DYRK1A: variants seen among roughly 807,000 people sequenced by gnomAD.
DYRK1A encodes the protein dual specificity tyrosine phosphorylation regulated kinase 1A.
DYRK1A carries 9 observed loss-of-function variants against 79.7 expected under a neutral mutation model. The observed-to-expected ratio is 0.11, with a 90% CI of 0.07 to 0.20. The LOEUF is 0.20. DYRK1A is among the 10% of genes least tolerant of loss of function. The pLI, the probability that DYRK1A is intolerant of heterozygous loss-of-function variation, is 1.00. For synonymous variants in DYRK1A, 349 were observed against 329.7 expected (o/e 1.06, Z -0.63); for missense variants, 622 against 956.0 (o/e 0.65, Z 4.61).
In DYRK1A at chr21:37,520,396, A is replaced by G. The variant is rs2053926420; in HGVS notation, c.*7865A>G. The G allele has an allele frequency of 6.6e-6, 1 of 152,254 alleles. No homozygotes were observed. Among genetic ancestry groups the G allele is most frequent in the South Asian group, 2.1e-4 (1 of 4,832 alleles). 9.4% of individuals were successfully genotyped at this position (152,254 alleles called of 1,614,324 possible). ...AGGTTGTAACCCACATTTTGAAAGC[A>G]GTAAGGAAATAATTGCTGCTTTTTT... On this transcript the variant is annotated 3_prime_UTR_variant, in exon 12 of 12. Coordinates refer to ENST00000647188, the MANE Select transcript of DYRK1A (RefSeq NM_001347721.2).
intron 2 of DYRK1A, among the ~76,000 whole-genome samples, chr21:37,440,575 T>A (rs549566947): frequency 2.6e-5 from 4 of 152,260 alleles, no homozygotes; most frequent in African/African-American, 9.6e-5. Context: ...AATTTTGATA[T>A]ATTTTATTTT....
chr21:37,505,236 C>T (rs765495468), intron 9 of DYRK1A, 47 bp from the exon 10 acceptor site: 17 of 1,442,216 alleles, frequency 1.2e-5, no homozygotes, highest in South Asian at 1.0e-4. Flanking sequence ...TGAGTGTTTA[C>T]GTATTCCACC....
chr21:37,369,107 GTTATT>G (rs2049378606), intron 1 of DYRK1A, among the ~76,000 whole-genome samples: 1 of 152,144 alleles, frequency 6.6e-6, no homozygotes, highest in South Asian at 2.1e-4. Flanking sequence ...TTTGTGTAAA[GTTATT>G]TTTAGTTATT....
chr21:37,413,821 C>G (rs2050286390), intron 1 of DYRK1A, among the ~76,000 whole-genome samples: 1 of 152,056 alleles, frequency 6.6e-6, no homozygotes, highest in Non-Finnish European at 1.5e-5. Context: ...CATCCTTAAG[C>G]AAGCATATCA....
chr21:37,480,324 A>G (rs2052591546), intron 4 of DYRK1A, among the ~76,000 whole-genome samples: 1 of 152,182 alleles, frequency 6.6e-6, no homozygotes, highest in African/African-American at 2.4e-5. Context: ...CCTCATGTTG[A>G]ACTCTTAAGA....
intron 2 of DYRK1A, among the ~76,000 whole-genome samples, chr21:37,427,173 A>G (rs962504937): frequency 6.6e-6 from 1 of 152,204 alleles, no homozygotes; most frequent in East Asian, 1.9e-4. Context: ...GCCATGTGGC[A>G]TAAGCATGGC....
intron 1 of DYRK1A, among the ~76,000 whole-genome samples, chr21:37,379,332 T>C (rs2049610926): frequency 6.6e-6 from 1 of 152,184 alleles, no homozygotes; most frequent in Admixed American, 6.5e-5. Flanking sequence ...CTTAAAAATA[T>C]TCTTAATTAT....
chr21:37,394,499 C>T (rs906031677), intron 1 of DYRK1A, among the ~76,000 whole-genome samples: 3 of 152,062 alleles, frequency 2.0e-5, no homozygotes, highest in Admixed American at 6.5e-5. Context: ...GGCCGTGGAC[C>T]GGTACTGGTC....
chr21:37,494,317 A>G (rs539108123), intron 8 of DYRK1A, among the ~76,000 whole-genome samples: 1 of 151,952 alleles, frequency 6.6e-6, no homozygotes, highest in African/African-American at 2.4e-5. Context: ...AAACAATATT[A>G]AAAAAACTTT....
chr21:37,444,082 T>C (rs1216535430), intron 2 of DYRK1A, among the ~76,000 whole-genome samples: 1 of 152,192 alleles, frequency 6.6e-6, no homozygotes, highest in Non-Finnish European at 1.5e-5. Flanking sequence ...CCCCGTTCCT[T>C]TCTTCTGCTT....
At chr21:37,452,101 A>T (rs998411258) in intron 2 of DYRK1A, among the ~76,000 whole-genome samples, 1 of 150,968 alleles carries the variant, frequency 6.6e-6, no homozygotes, top group Non-Finnish European at 1.5e-5. Context: ...TAACCTGGGT[A>T]CTCTGGGTAT....
At chr21:37,430,476 C>A in intron 2 of DYRK1A, 1 of 929,412 alleles carries the variant, frequency 1.1e-6, no homozygotes. Flanking sequence ...TTACTTTCAC[C>A]TTTGTTCCAT....
At chr21:37,417,166 A>G (rs570658706) in intron 1 of DYRK1A, among the ~76,000 whole-genome samples, 65 of 152,172 alleles carry the variant, frequency 4.3e-4, no homozygotes, top group African/African-American at 1.5e-3. Flanking sequence ...CCAGTCTTAC[A>G]TTCTGGATCT....
upstream of DYRK1A, among the ~76,000 whole-genome samples, chr21:37,366,447 G>C (rs902527720): frequency 1.4e-5 from 2 of 147,714 alleles, no homozygotes; most frequent in African/African-American, 4.9e-5. Flanking sequence ...GCGGGCGATC[G>C]CGCACAGGCC....
In DYRK1A at chr21:37,420,335, C is replaced by A. The variant is rs767329831; in HGVS notation, c.-40C>A. On this transcript the variant is annotated 5_prime_UTR_variant, in exon 2 of 12. Transcript: ENST00000647188. ...TGCCGCTGGACTCTTCCCTCCCTTC[C>A]CCCACCCCATCAGGATGATATGAGA... 6.2e-7 allele frequency: 1 copy of A among 1,608,030 alleles called. No homozygotes were observed. Among genetic ancestry groups the A allele is most frequent in the South Asian group, 1.1e-5 (1 of 90,590 alleles).
At chr21:37,400,832 GT>G (rs2050038978) in intron 1 of DYRK1A, among the ~76,000 whole-genome samples, 1 of 152,130 alleles carries the variant, frequency 6.6e-6, no homozygotes, top group Non-Finnish European at 1.5e-5. Flanking sequence ...CCTTTCTAAA[GT>G]TGCTTGGTTA....
Position 37,453,971 on chromosome 21 carries a change from A to G in DYRK1A, c.11-18713A>G, listed in dbSNP as rs114637614. ...TTATATTTGGAGTTGTATAAATTAT[A>G]TATTTTGCAGTCAATATAAAATAAG... On this transcript the variant is annotated intron_variant, in intron 2 of 11. Coordinates refer to ENST00000647188, the MANE Select transcript of DYRK1A (RefSeq NM_001347721.2). Among the ~76,000 whole-genome samples, 1,471 of 151,524 alleles carry G rather than the reference A, an allele frequency of 9.7e-3. 22 individuals carry two copies. The highest frequency in any genetic ancestry group is 0.034 in the African/African-American group (1,409 of 41,294).
At chr21:37,484,829 G>A (rs923421248) in intron 5 of DYRK1A, among the ~76,000 whole-genome samples, 1 of 152,162 alleles carries the variant, frequency 6.6e-6, no homozygotes, top group East Asian at 1.9e-4. Flanking sequence ...ATAGAGTCCT[G>A]CTTGACGTTG....
intron 2 of DYRK1A, among the ~76,000 whole-genome samples, chr21:37,447,966 C>T (rs2051326132): frequency 6.6e-6 from 1 of 152,126 alleles, no homozygotes; most frequent in Admixed American, 6.5e-5. Context: ...GTGAGAGTTG[C>T]CGCTGTCCCC....
Sources: gnomAD v4.1 joint callset for allele counts (sites outside exome capture counted in the v4.1 genomes callset) on GRCh38, gnomAD v4.1.1 for gene constraint, MANE v1.5 for transcripts, NCBI Gene and HGNC (gene_info 2026-07-23, HGNC 2026-07-21) for gene names.